PIP5K1B: variants seen among roughly 807,000 people sequenced by gnomAD.
PIP5K1B encodes the protein phosphatidylinositol-4-phosphate 5-kinase type 1 beta.
In PIP5K1B, 42 loss-of-function variants were observed where a neutral mutation model predicts 67.0. The ratio of observed to expected loss-of-function variants is 0.63; its 90% CI spans 0.49 to 0.81. The LOEUF is 0.81. PIP5K1B is among the 30% of genes least tolerant of loss of function. The pLI is 0.00. For missense variants in PIP5K1B, 459 were observed against 646.3 expected, an observed-to-expected ratio of 0.71 and a Z score of 3.14; for synonymous variants, 214 against 231.4, an observed-to-expected ratio of 0.92 and a Z score of 0.68.
At chr9:68,914,302 G>A (rs1825987286) in intron 8 of PIP5K1B, among the ~76,000 whole-genome samples, 1 of 152,242 alleles carries the variant, frequency 6.6e-6, no homozygotes, top group East Asian at 1.9e-4. Flanking sequence ...ATGATTCTGG[G>A]TGCCTTTTGG....
chr9:68,876,817 C>T, intron 6 of PIP5K1B, 23 bp downstream of exon 6: 1 of 1,143,040 alleles, frequency 8.7e-7, no homozygotes, highest in South Asian at 1.2e-5. Flanking sequence ...CATTTTTCTT[C>T]CTTCTATAGA....
chr9:68,738,635 T>C (rs933107082), intron 1 of PIP5K1B, among the ~76,000 whole-genome samples: 13 of 152,218 alleles, frequency 8.5e-5, no homozygotes, highest in African/African-American at 3.1e-4. Context: ...TCATGTGATA[T>C]GAGGCAGTAC....
intron 2 of PIP5K1B, among the ~76,000 whole-genome samples, chr9:68,799,431 C>T (rs1338023409): frequency 6.6e-6 from 1 of 152,040 alleles, no homozygotes; most frequent in African/African-American, 2.4e-5. Flanking sequence ...GCCCAAATAG[C>T]CAAAGCAATC....
chr9:68,991,360 T>C, intron 15 of PIP5K1B, 103 bp downstream of exon 15: 1 of 681,846 alleles, frequency 1.5e-6, no homozygotes, highest in Non-Finnish European at 2.7e-6. Context: ...CATGCTTGGG[T>C]TTTAAAAGAA....
intron 4 of PIP5K1B, among the ~76,000 whole-genome samples, chr9:68,835,250 A>T (rs1834540736): frequency 6.6e-6 from 1 of 152,198 alleles, no homozygotes; most frequent in Admixed American, 6.5e-5. Flanking sequence ...TAGGACCCAG[A>T]AACAGGCATT....
chr9:68,726,431 T>C (rs1399517857), intron 1 of PIP5K1B, among the ~76,000 whole-genome samples: 1 of 152,166 alleles, frequency 6.6e-6, no homozygotes, highest in Non-Finnish European at 1.5e-5. Flanking sequence ...ACTCATGACA[T>C]TGGATTTATA....
intron 8 of PIP5K1B, among the ~76,000 whole-genome samples, chr9:68,902,924 C>T (rs577661662): frequency 6.6e-6 from 1 of 152,238 alleles, no homozygotes; most frequent in South Asian, 2.1e-4. Flanking sequence ...GAAAAGAAAG[C>T]GGAAAAACTC....
intron 2 of PIP5K1B, among the ~76,000 whole-genome samples, chr9:68,750,448 T>C (rs932714133): frequency 6.6e-6 from 1 of 152,252 alleles, no homozygotes; most frequent in African/African-American, 2.4e-5. Flanking sequence ...GTCGGTGACG[T>C]AGCTGTTGCA....
At chr9:68,745,469 G>A (rs900469793) in intron 2 of PIP5K1B, among the ~76,000 whole-genome samples, 1 of 151,738 alleles carries the variant, frequency 6.6e-6, no homozygotes, top group Non-Finnish European at 1.5e-5. Flanking sequence ...TTAGCGGCTT[G>A]TTTGACACAT....
intron 4 of PIP5K1B, among the ~76,000 whole-genome samples, chr9:68,851,173 A>G (rs1022328231): frequency 4.3e-4 from 65 of 152,230 alleles, no homozygotes; most frequent in African/African-American, 1.4e-3. Context: ...GATCATTTCA[A>G]AGAAACCATG....
intron 2 of PIP5K1B, among the ~76,000 whole-genome samples, chr9:68,796,664 T>C (rs145883280): frequency 6.6e-6 from 1 of 152,366 alleles, no homozygotes; most frequent in Non-Finnish European, 1.5e-5. Context: ...CAACCCGTAA[T>C]TCATGGCTAG....
At chr9:68,958,078 G>T (rs1028084575) in intron 14 of PIP5K1B, among the ~76,000 whole-genome samples, 8 of 152,018 alleles carry the variant, frequency 5.3e-5, no homozygotes, top group Non-Finnish European at 1.0e-4. Context: ...TCACCATGTT[G>T]CCCAGGCTGG....
chr9:68,909,573 AT>A, intron 8 of PIP5K1B, among the ~76,000 whole-genome samples: 1 of 152,072 alleles, frequency 6.6e-6, no homozygotes. Context: ...TGTCACTCTG[AT>A]TTTTTCATTT....
rs377273287 is a variant in PIP5K1B at position 68,968,669 on chromosome 9, A to G, written c.1503-22471A>G. 4.8e-4 allele frequency among the ~76,000 whole-genome samples: 72 copies of G among 151,536 alleles called. 1 individual carries two copies. Among genetic ancestry groups the G allele is most frequent in the Middle Eastern group, 6.8e-3 (2 of 292 alleles). ...TTTATCTTAGCATGAAAATACTTGT[A>G]GGGTGGACAGTGTGTTAGGATCCTT... On this transcript the variant is annotated intron_variant, in intron 14 of 15. Transcript: ENST00000265382.
chr9:68,866,997 A>T (rs1208244975), intron 5 of PIP5K1B, among the ~76,000 whole-genome samples: 1 of 152,222 alleles, frequency 6.6e-6, no homozygotes, highest in African/African-American at 2.4e-5. Context: ...GGGTCCTAGC[A>T]TGGCTCTGCT....
chr9:69,008,236 T>G (rs1312674503), intron 15 of PIP5K1B, among the ~76,000 whole-genome samples: 1 of 152,204 alleles, frequency 6.6e-6, no homozygotes, highest in Non-Finnish European at 1.5e-5. Context: ...GGACTCAATC[T>G]TGATAAACAT....
chr9:68,843,774 C>T lies in PIP5K1B; in HGVS notation c.70-20063C>T, dbSNP rs115250418. 6.0e-3 allele frequency among the ~76,000 whole-genome samples: 918 copies of T among 152,292 alleles called. 11 individuals are homozygous for T. The highest frequency in any genetic ancestry group is 0.021 in the African/African-American group (881 of 41,556). ...GTAGAAAATTCCCCTCAGCCATATA[C>T]CATGCCAGGTTTCTTTTACAAGCCA... On this transcript the variant is annotated intron_variant, in intron 4 of 15. Transcript: ENST00000265382.
At chr9:68,862,744 G>T (rs1376542548) in intron 4 of PIP5K1B, among the ~76,000 whole-genome samples, 1 of 151,620 alleles carries the variant, frequency 6.6e-6, no homozygotes, top group African/African-American at 2.4e-5. Context: ...GTGAGCCGAG[G>T]TTGCACGACT....
At chr9:69,002,521 C>T (rs764053726) in intron 15 of PIP5K1B, among the ~76,000 whole-genome samples, 11 of 152,096 alleles carry the variant, frequency 7.2e-5, no homozygotes, top group South Asian at 2.1e-4. Flanking sequence ...TCCAATACAA[C>T]GAGAAATCCC....
Sources: gnomAD v4.1 joint callset for allele counts (sites outside exome capture counted in the v4.1 genomes callset) on GRCh38, gnomAD v4.1.1 for gene constraint, MANE v1.5 for transcripts, NCBI Gene and HGNC (gene_info 2026-07-23, HGNC 2026-07-21) for gene names.